RAB3GAP1: variants seen among roughly 807,000 people sequenced by gnomAD.
RAB3GAP1 encodes the protein rab3 GTPase-activating protein catalytic subunit.
A neutral mutation model predicts 130.7 loss-of-function variants in RAB3GAP1; 86 were observed. That is an observed-to-expected ratio of 0.66 (90% CI 0.55 to 0.79). The LOEUF (loss-of-function observed/expected upper bound fraction) is 0.79, where lower values mean the gene tolerates loss of function less well. Ranked by LOEUF, RAB3GAP1 falls within the 30% of genes least tolerant of loss-of-function variation. The pLI is 0.00. For missense variants in RAB3GAP1, 1,029 were observed against 1,169.4 expected, an observed-to-expected ratio of 0.88 and a Z score of 1.75; for synonymous variants, 367 against 401.7, an observed-to-expected ratio of 0.91 and a Z score of 1.03.
At chr2:135,081,333 T>A (rs1298032671) in intron 3 of RAB3GAP1, among the ~76,000 whole-genome samples, 2,523 of 75,404 alleles carry the variant, frequency 0.033, 102 homozygotes, top group African/African-American at 0.09. Context: ...AAAAAATATA[T>A]ATATATATAT....
At chr2:135,108,974 A>G (rs1690711675) in intron 5 of RAB3GAP1, among the ~76,000 whole-genome samples, 1 of 152,180 alleles carries the variant, frequency 6.6e-6, no homozygotes, top group African/African-American at 2.4e-5. Flanking sequence ...CTTTTCAGAG[A>G]TTAGTTGACT....
intron 19 of RAB3GAP1, among the ~76,000 whole-genome samples, chr2:135,154,504 A>C (rs974464746): frequency 1.2e-4 from 18 of 152,338 alleles, no homozygotes; most frequent in African/African-American, 4.1e-4. Flanking sequence ...AATGACCTTC[A>C]AATTAACAGT....
chr2:135,135,567 T>C lies in RAB3GAP1; in HGVS notation c.1558T>C (p.Leu520=), dbSNP rs776812981. The C allele has an allele frequency of 3.1e-6, 5 of 1,597,622 alleles. No individual in the cohort carries two copies. The Admixed American group carries it at 8.5e-5, about 27-fold the overall frequency. The change falls in exon 17 of 24, where the codon TTA becomes CTA. Residue 520 remains leucine, a synonymous_variant. Coordinates refer to ENST00000264158, the MANE Select transcript of RAB3GAP1 (RefSeq NM_012233.3). ...ATGTTATTTCTCTTTTCTTAAGATGTTAAATTGTTGTATTGAAAGAAAGAA... is the reference window on the plus strand; with the variant it reads ...ATGTTATTTCTCTTTTCTTAAGATGCTAAATTGTTGTATTGAAAGAAAGAA... ...CCLLHQKLQM[L]NCCIERKKAR...
At chr2:135,158,207 C>G (rs190020285) in intron 19 of RAB3GAP1, among the ~76,000 whole-genome samples, 2 of 152,244 alleles carry the variant, frequency 1.3e-5, no homozygotes, top group South Asian at 4.1e-4. Context: ...AGCACTGACA[C>G]CCTCATAGCA....
chr2:135,158,006 G>A (rs909675557), intron 19 of RAB3GAP1, among the ~76,000 whole-genome samples: 4 of 152,096 alleles, frequency 2.6e-5, no homozygotes, highest in Non-Finnish European at 5.9e-5. Context: ...TACTGTGGAA[G>A]TGAGATGCAA....
intron 3 of RAB3GAP1, among the ~76,000 whole-genome samples, chr2:135,084,235 A>G (rs1311200970): frequency 6.6e-6 from 1 of 152,168 alleles, no homozygotes; most frequent in East Asian, 1.9e-4. Context: ...ACAAGAGCGA[A>G]ACTCCCTCTC....
Position 135,115,274 on chromosome 2 carries a change from T to C in RAB3GAP1, c.541T>C (p.Cys181Arg), listed in dbSNP as rs1212436941. ...ATGGCGAAGAATGTATGTAGGAGAA[T>C]GTCAAGGTCCTGGTGTACGAACTGA... ...HKWRRMYVGE[C>R]QGPGVRTDFE... The change falls in exon 7 of 24, where the codon TGT (cysteine) becomes CGT (arginine). Residue 181 changes from cysteine to arginine, a missense_variant. By Grantham distance (180) the Cys-to-Arg change is radical. Transcript: ENST00000264158. 3 of 1,613,254 alleles carry C rather than the reference T, an allele frequency of 1.9e-6. No individual in the cohort carries two copies. In the South Asian group the frequency reaches 3.3e-5, roughly 18 times the overall value.
intron 17 of RAB3GAP1, among the ~76,000 whole-genome samples, chr2:135,145,404 A>G (rs1468210579): frequency 1.5e-5 from 2 of 137,524 alleles, no homozygotes; most frequent in African/African-American, 5.6e-5. Flanking sequence ...ACACATACAC[A>G]CACACACACA....
chr2:135,062,043 T>C (rs1417460779), intron 3 of RAB3GAP1, among the ~76,000 whole-genome samples: 1 of 152,154 alleles, frequency 6.6e-6, no homozygotes, highest in Non-Finnish European at 1.5e-5. Flanking sequence ...TCTTTTTTTT[T>C]TGAGACAGAG....
intron 19 of RAB3GAP1, among the ~76,000 whole-genome samples, chr2:135,158,900 G>A (rs1237142922): frequency 6.6e-6 from 1 of 151,752 alleles, no homozygotes; most frequent in Non-Finnish European, 1.5e-5. Flanking sequence ...TAGTCTAATT[G>A]TGAGGGAACA....
At chr2:135,157,176 A>G (rs542447823) in intron 19 of RAB3GAP1, among the ~76,000 whole-genome samples, 1 of 152,226 alleles carries the variant, frequency 6.6e-6, no homozygotes, top group African/African-American at 2.4e-5. Flanking sequence ...ATGATGCCCA[A>G]CTAATTATTT....
chr2:135,164,997 G>A, intron 23 of RAB3GAP1: 1 of 391,196 alleles, frequency 2.6e-6, no homozygotes, highest in South Asian at 2.0e-5. Flanking sequence ...GTGCTGTGCT[G>A]TGGGAAAAAA....
At chr2:135,070,577 G>C (rs138281523) in intron 3 of RAB3GAP1, among the ~76,000 whole-genome samples, 1 of 151,700 alleles carries the variant, frequency 6.6e-6, no homozygotes, top group African/African-American at 2.4e-5. Flanking sequence ...GCGCAATCTC[G>C]GCTCACTGCA....
chr2:135,110,424 C>G (rs748108077), intron 5 of RAB3GAP1, among the ~76,000 whole-genome samples: 1 of 152,162 alleles, frequency 6.6e-6, no homozygotes, highest in Non-Finnish European at 1.5e-5. Flanking sequence ...TGTGAGCCAC[C>G]ACACCTGGCA....
intron 3 of RAB3GAP1, among the ~76,000 whole-genome samples, chr2:135,074,424 G>A (rs376225974): frequency 2.4e-4 from 37 of 152,316 alleles, no homozygotes; most frequent in East Asian, 1.7e-3. Flanking sequence ...CTGGCCAGTT[G>A]TCATTCATTG....
chr2:135,162,350 A>C, intron 19 of RAB3GAP1: 1 of 571,906 alleles, frequency 1.7e-6, no homozygotes, highest in South Asian at 2.1e-5. Context: ...AAGCAGAAAA[A>C]AATAGAATAT....
At chr2:135,125,175 G>A (rs879943248) in intron 9 of RAB3GAP1, among the ~76,000 whole-genome samples, 1 of 152,096 alleles carries the variant, frequency 6.6e-6, no homozygotes, top group Non-Finnish European at 1.5e-5. Flanking sequence ...TGTCTCTTTG[G>A]ATTTACCTAT....
At chr2:135,086,661 C>CTTTTTTTTTTTTT (rs59270938) in intron 3 of RAB3GAP1, among the ~76,000 whole-genome samples, 1 of 65,068 alleles carries the variant, frequency 1.5e-5, no homozygotes, top group African/African-American at 6.4e-5. Flanking sequence ...TTCCCCTAAT[C>CTTTTTTTTTTTTT]TTTTTTTTTT....
At chr2:135,117,435 TCTTCTTCTTCTTCTTCTTCTGCTTCTG>T (rs1558784036) in intron 7 of RAB3GAP1, among the ~76,000 whole-genome samples, 3 of 128,944 alleles carry the variant, frequency 2.3e-5, no homozygotes, top group African/African-American at 8.8e-5. Flanking sequence ...TTCTTCTTCT[TCTTCTTCTTCTTCTTCTTCTGCTTCTG>T]CTTCTGCTTC....
Sources: gnomAD v4.1 joint callset for allele counts (sites outside exome capture counted in the v4.1 genomes callset) on GRCh38, gnomAD v4.1.1 for gene constraint, MANE v1.5 for transcripts, NCBI Gene and HGNC (gene_info 2026-07-23, HGNC 2026-07-21) for gene names.